Variants in MAPKAPK2 observed in about 807,000 individuals in gnomAD.
The protein encoded by MAPKAPK2 is MAPK activated protein kinase 2, also known as MAP kinase-activated protein kinase 2.
A neutral mutation model predicts 48.8 loss-of-function variants in MAPKAPK2; 9 were observed. The ratio of observed to expected loss-of-function variants is 0.18; its 90% CI spans 0.11 to 0.32. The LOEUF (loss-of-function observed/expected upper bound fraction) is 0.32. MAPKAPK2 is among the 10% of genes least tolerant of loss of function. The probability of loss-of-function intolerance (pLI) is 1.00; values close to 1 mark genes in which losing one functional copy is unlikely to be tolerated. For synonymous variants in MAPKAPK2, 202 were observed against 190.6 expected (o/e 1.06, Z -0.49); for missense variants, 331 against 498.3 (o/e 0.66, Z 3.20).
chr1:206,724,704 C>T (rs1197445809), intron 1 of MAPKAPK2, among the ~76,000 whole-genome samples: 2 of 152,068 alleles, frequency 1.3e-5, no homozygotes, highest in African/African-American at 4.8e-5. Context: ...AAGGACAGCT[C>T]ACCCTCAGTC....
intron 1 of MAPKAPK2, among the ~76,000 whole-genome samples, chr1:206,701,119 C>G (rs1672780055): frequency 6.6e-6 from 1 of 152,126 alleles, no homozygotes; most frequent in Non-Finnish European, 1.5e-5. Context: ...GAGGTGAGCC[C>G]AGAGGAGTGG....
At chr1:206,692,645 T>G (rs1168672415) in intron 1 of MAPKAPK2, among the ~76,000 whole-genome samples, 1 of 152,194 alleles carries the variant, frequency 6.6e-6, no homozygotes, top group East Asian at 1.9e-4. Context: ...TGTGCCAGAA[T>G]GAGCTGGGAC....
chr1:206,688,348 C>G (rs1282151310), intron 1 of MAPKAPK2, among the ~76,000 whole-genome samples: 2 of 152,222 alleles, frequency 1.3e-5, no homozygotes, highest in African/African-American at 4.8e-5. Context: ...CTTCTTCCCA[C>G]TTACTTCCTA....
chr1:206,725,888 C>T (rs1553431805), intron 1 of MAPKAPK2, among the ~76,000 whole-genome samples: 1 of 152,162 alleles, frequency 6.6e-6, no homozygotes, highest in Non-Finnish European at 1.5e-5. Flanking sequence ...CCCCTCATAT[C>T]TTCTTCTGCC....
At chr1:206,696,396 A>G in intron 1 of MAPKAPK2, 1 of 625,108 alleles carries the variant, frequency 1.6e-6, no homozygotes, top group South Asian at 1.9e-5. Flanking sequence ...TCATGTAGTG[A>G]CCGTATGTCC....
At chr1:206,689,155 G>T in intron 1 of MAPKAPK2, among the ~76,000 whole-genome samples, 1 of 152,260 alleles carries the variant, frequency 6.6e-6, no homozygotes, top group Non-Finnish European at 1.5e-5. Flanking sequence ...GAATGTTGTC[G>T]TAACTTATCT....
intron 1 of MAPKAPK2, among the ~76,000 whole-genome samples, chr1:206,691,624 T>C (rs1240569824): frequency 6.6e-6 from 1 of 151,912 alleles, no homozygotes; most frequent in East Asian, 1.9e-4. Flanking sequence ...TGTATGCTGC[T>C]AACAAGTTAC....
At chr1:206,700,363 A>G (rs1672762454) in intron 1 of MAPKAPK2, among the ~76,000 whole-genome samples, 1 of 152,104 alleles carries the variant, frequency 6.6e-6, no homozygotes, top group African/African-American at 2.4e-5. Flanking sequence ...AGCTGTTTAA[A>G]TTTGACAGGT....
intron 1 of MAPKAPK2, among the ~76,000 whole-genome samples, chr1:206,705,682 G>A (rs1208616872): frequency 6.6e-6 from 1 of 152,194 alleles, no homozygotes; most frequent in Non-Finnish European, 1.5e-5. Flanking sequence ...GCAGAAAGGC[G>A]ATTAGCTCTC....
chr1:206,702,762 T>A (rs557544155), intron 1 of MAPKAPK2, among the ~76,000 whole-genome samples: 7 of 152,232 alleles, frequency 4.6e-5, no homozygotes, highest in Non-Finnish European at 8.8e-5. Flanking sequence ...CCTTCCACAC[T>A]TTGCCTTCCA....
intron 4 of MAPKAPK2, among the ~76,000 whole-genome samples, 193 bp from the exon 5 acceptor site, chr1:206,729,773 TATCTCC>T (rs1673839506): frequency 6.6e-6 from 1 of 152,254 alleles, no homozygotes; most frequent in Non-Finnish European, 1.5e-5. Context: ...GTCAGTCTGT[TATCTCC>T]AGGCACTCTG....
At position 206,732,293 on chromosome 1, in the gene MAPKAPK2, C is replaced by T; in HGVS notation, c.1060-282C>T. On this transcript the variant is annotated intron_variant, in intron 9 of 9. Transcript: ENST00000367103. This position sits in a 1 kb window ranked among gnomAD's most constrained non-coding sequence, Gnocchi z 4.4. ...TTGGGGCAGACCGGACCCAGGTTTC[C>T]TGACTCCTGGCCCAAGTCTCTTCCT... is the stretch of plus-strand genomic sequence containing the variant. 1 of 1,448,222 alleles carries T rather than the reference C, an allele frequency of 6.9e-7. No homozygotes were observed. Among genetic ancestry groups the T allele is most frequent in the Non-Finnish European group, 9.1e-7 (1 of 1,103,916 alleles). The allele number at this position is 1,448,222 out of a possible 1,614,324, so 89.7% of individuals were successfully genotyped here.
In MAPKAPK2 at chr1:206,731,736, C is replaced by T; in HGVS notation, c.978+11C>T. 1.9e-6 allele frequency: 3 copies of T among 1,613,680 alleles called. No homozygotes were observed. Among genetic ancestry groups the T allele is most frequent in the Non-Finnish European group, 2.5e-6 (3 of 1,179,590 alleles). ...CACCCTTGGATCATGGTAAGCTCGG[C>T]AGGCTGGGGAGCCTTGGGTCTCACG... On this transcript the variant is annotated intron_variant, in intron 8 of 9. Transcript: ENST00000367103. The surrounding 1 kb of genome is among the most constrained non-coding windows in gnomAD (Gnocchi z 5.9).
intron 1 of MAPKAPK2, among the ~76,000 whole-genome samples, chr1:206,709,515 A>G (rs565344407): frequency 6.6e-6 from 1 of 152,332 alleles, no homozygotes; most frequent in South Asian, 2.1e-4. Context: ...TTTGGCAGCC[A>G]CGTCATGGCA....
rs1351098761 is a variant in MAPKAPK2 at position 206,705,950 on chromosome 1, C to G, written c.279+20442C>G. Among the ~76,000 whole-genome samples, 6 of 152,134 alleles carry G rather than the reference C, an allele frequency of 3.9e-5. No homozygotes were observed. The East Asian group carries it at 1.2e-3, about 29-fold the overall frequency. On this transcript the variant is annotated intron_variant, in intron 1 of 9. Coordinates refer to ENST00000367103, the MANE Select transcript of MAPKAPK2 (RefSeq NM_032960.4). ...CTTAGGGAATTCCCGGAGCCTGTTG[C>G]AGGCCTCAACACCCTTCTGGTGCAG...
At chr1:206,723,277 C>A (rs4240847) in intron 1 of MAPKAPK2, among the ~76,000 whole-genome samples, 114,698 of 152,112 alleles carry the variant, frequency 0.75, 43,553 homozygotes, top group Middle Eastern at 0.92. Context: ...CCAGTTGCCC[C>A]CCCCAGTGGG....
At chr1:206,702,823 C>T (rs1488909491) in intron 1 of MAPKAPK2, among the ~76,000 whole-genome samples, 1 of 152,224 alleles carries the variant, frequency 6.6e-6, no homozygotes, top group Admixed American at 6.5e-5. Flanking sequence ...TCCACATCTT[C>T]TCTTGGATCT....
In MAPKAPK2 at chr1:206,696,111, G is replaced by A. The variant is rs1420294726; in HGVS notation, c.279+10603G>A. 3 of 1,408,898 alleles carry A rather than the reference G, an allele frequency of 2.1e-6. No homozygotes were observed. In the Admixed American group the frequency reaches 5.0e-5, roughly 24 times the overall value. 87.3% of individuals were successfully genotyped at this position (1,408,898 alleles called of 1,614,324 possible). Reference sequence around the variant, plus strand: ...CCTTCATCCTACCAGTCACACGGCAGATGATTTCTTTGCCAGAAAGATCAG... The same window carrying A: ...CCTTCATCCTACCAGTCACACGGCAAATGATTTCTTTGCCAGAAAGATCAG... On this transcript the variant is annotated intron_variant, in intron 1 of 9. Transcript: ENST00000367103.
At position 206,731,475 on chromosome 1, in the gene MAPKAPK2, G is replaced by A; in HGVS notation, c.893-165G>A. Reference sequence around the variant, plus strand: ...GGCCAAGGCTGTGGGGCTGTGCAGGGCCTCTCAAGTGGTACAGCCGTAATG... The same window carrying A: ...GGCCAAGGCTGTGGGGCTGTGCAGGACCTCTCAAGTGGTACAGCCGTAATG... On this transcript the variant is annotated intron_variant, in intron 7 of 9. Transcript: ENST00000367103. The surrounding 1 kb of genome is among the most constrained non-coding windows in gnomAD (Gnocchi z 5.9). 2 of 1,103,904 alleles carry A rather than the reference G, an allele frequency of 1.8e-6. No homozygotes were observed. Among genetic ancestry groups the A allele is most frequent in the Non-Finnish European group, 1.3e-6 (1 of 754,598 alleles). 68.4% of individuals were successfully genotyped at this position (1,103,904 alleles called of 1,614,324 possible). A position where few individuals can be genotyped will look rare whatever the true frequency, so the allele number is the denominator to read the frequency against.
Sources: gnomAD v4.1 joint callset for allele counts (sites outside exome capture counted in the v4.1 genomes callset) on GRCh38, gnomAD v4.1.1 for gene constraint, Gnocchi (gnomAD v3.1) non-coding constraint, MANE v1.5 for transcripts, NCBI Gene and HGNC (gene_info 2026-07-23, HGNC 2026-07-21) for gene names.